The following TAB2 variants were observed in gnomAD, a reference collection of about 807,000 sequenced individuals.
TAB2 encodes the protein TGF-beta activated kinase 1 (MAP3K7) binding protein 2, also known as TGF-beta-activated kinase 1 and MAP3K7-binding protein 2.
Under a neutral mutation model 65.0 loss-of-function variants are expected in TAB2, and 3 were observed. The observed-to-expected ratio is 0.05, with a 90% CI of 0.02 to 0.12. TAB2 has a LOEUF of 0.12. TAB2 is among the 10% of genes least tolerant of loss of function. TAB2 has a pLI of 1.00. For missense variants in TAB2, 623 were observed against 840.3 expected, an observed-to-expected ratio of 0.74 and a Z score of 3.20; for synonymous variants, 298 against 285.1, an observed-to-expected ratio of 1.05 and a Z score of -0.46.
chr6:149,364,149 A>G (rs1326518543), intron 1 of TAB2, among the ~76,000 whole-genome samples: 1 of 152,096 alleles, frequency 6.6e-6, no homozygotes, highest in African/African-American at 2.4e-5. Flanking sequence ...TGGTTTTCTG[A>G]CTGGTCTTCT....
chr6:149,258,416 T>TACACACACACACACACAC (rs56710457), intron 1 of TAB2, among the ~76,000 whole-genome samples: 1 of 146,200 alleles, frequency 6.8e-6, no homozygotes, highest in Non-Finnish European at 1.5e-5. Flanking sequence ...CATGACTGCC[T>TACACACACACACACACAC]ACACACACAC....
intron 1 of TAB2, among the ~76,000 whole-genome samples, chr6:149,277,317 G>A (rs1410047231): frequency 1.3e-5 from 2 of 152,000 alleles, no homozygotes; most frequent in African/African-American, 4.8e-5. Flanking sequence ...AAAATAAGAT[G>A]CATTCCTACA....
At chr6:149,236,268 C>T (rs1777492327) in intron 1 of TAB2, among the ~76,000 whole-genome samples, 1 of 152,146 alleles carries the variant, frequency 6.6e-6, no homozygotes, top group Non-Finnish European at 1.5e-5. Flanking sequence ...ATATAATGAC[C>T]AATGAGGTCA....
chr6:149,403,283 T>TATATATATATAC (rs1554265413), intron 6 of TAB2, among the ~76,000 whole-genome samples: 1 of 24,582 alleles, frequency 4.1e-5, no homozygotes, highest in Non-Finnish European at 7.3e-5. Flanking sequence ...TATATATATA[T>TATATATATATAC]ACACACACAC....
At chr6:149,394,861 A>C (rs1322131325) in intron 3 of TAB2, among the ~76,000 whole-genome samples, 1 of 152,220 alleles carries the variant, frequency 6.6e-6, no homozygotes, top group African/African-American at 2.4e-5. Flanking sequence ...CCAGATAGTA[A>C]TCATTTAGGA....
intron 1 of TAB2, among the ~76,000 whole-genome samples, chr6:149,309,315 T>A (rs1025746890): frequency 2.6e-5 from 4 of 152,124 alleles, no homozygotes; most frequent in African/African-American, 7.2e-5. Flanking sequence ...CCTTTACATA[T>A]GTTCATTCAT....
At chr6:149,271,964 C>G (rs560620066) in intron 1 of TAB2, among the ~76,000 whole-genome samples, 1 of 152,244 alleles carries the variant, frequency 6.6e-6, no homozygotes, top group Non-Finnish European at 1.5e-5. Context: ...GACGCCCACA[C>G]AAAACCCACA....
chr6:149,242,728 A>G (rs1342512585), intron 1 of TAB2, among the ~76,000 whole-genome samples: 3 of 152,198 alleles, frequency 2.0e-5, no homozygotes, highest in Non-Finnish European at 4.4e-5. Flanking sequence ...TTGTTTTGCC[A>G]TGGAGAAGAG....
chr6:149,364,068 C>T (rs187929725), intron 1 of TAB2, among the ~76,000 whole-genome samples: 3 of 152,286 alleles, frequency 2.0e-5, no homozygotes, highest in Non-Finnish European at 4.4e-5. Context: ...AGGTCTTCCA[C>T]TTCTCTCTAC....
At chr6:149,372,722 T>G (rs187230263) in intron 2 of TAB2, among the ~76,000 whole-genome samples, 7 of 152,268 alleles carry the variant, frequency 4.6e-5, no homozygotes, top group Admixed American at 3.9e-4. Context: ...GTAATGTACT[T>G]TTTAGCTGAT....
intron 1 of TAB2, among the ~76,000 whole-genome samples, chr6:149,325,690 A>AGTGG (rs1562416312): frequency 2.0e-5 from 3 of 152,216 alleles, no homozygotes; most frequent in African/African-American, 7.2e-5. Flanking sequence ...TTAATATAAT[A>AGTGG]CTACAAAACT....
chr6:149,284,826 A>AT (rs1410648868), intron 1 of TAB2, among the ~76,000 whole-genome samples: 2 of 152,082 alleles, frequency 1.3e-5, no homozygotes, highest in Non-Finnish European at 2.9e-5. Context: ...TTAAGCCTTT[A>AT]TTTTTTTAAA....
chr6:149,318,026 A>T lies in TAB2; in HGVS notation c.-90+11A>T, dbSNP rs1295657959. 2 of 161,204 alleles carry T rather than the reference A, an allele frequency of 1.2e-5. No homozygotes were observed. Among genetic ancestry groups the T allele is most frequent in the African/African-American group, 4.8e-5 (2 of 41,500 alleles). 10.0% of individuals were successfully genotyped at this position (161,204 alleles called of 1,614,324 possible). ...CGGCGGCGGCAAAGGGTAAGCGGAC[A>T]GCGCTGCCGGGCCTCGGCGGGATCC... On this transcript the variant is annotated intron_variant, in intron 1 of 6. Coordinates refer to ENST00000637181, the MANE Select transcript of TAB2 (RefSeq NM_001292034.3).
chr6:149,305,073 T>G (rs1779037914), intron 1 of TAB2, among the ~76,000 whole-genome samples: 2 of 152,200 alleles, frequency 1.3e-5, no homozygotes, highest in African/African-American at 4.8e-5. Flanking sequence ...ATTGTTTTGT[T>G]ATTGTTATTG....
At chr6:149,345,931 A>T (rs904259377) in intron 1 of TAB2, among the ~76,000 whole-genome samples, 10 of 152,168 alleles carry the variant, frequency 6.6e-5, no homozygotes, top group African/African-American at 2.4e-4. Context: ...CAACAACAAC[A>T]AAAAGCTGCA....
At chr6:149,273,310 G>A (rs1177271587) in intron 1 of TAB2, among the ~76,000 whole-genome samples, 1 of 152,210 alleles carries the variant, frequency 6.6e-6, no homozygotes, top group Non-Finnish European at 1.5e-5. Flanking sequence ...AAAGAAGATG[G>A]AGGGAAATGG....
chr6:149,396,542 A>G (rs1416775528), intron 3 of TAB2, among the ~76,000 whole-genome samples: 1 of 152,212 alleles, frequency 6.6e-6, no homozygotes, highest in Non-Finnish European at 1.5e-5. Context: ...ATTTTTCTCA[A>G]GATAGAATCA....
chr6:149,273,915 G>A (rs1778407394), intron 1 of TAB2, among the ~76,000 whole-genome samples: 1 of 152,226 alleles, frequency 6.6e-6, no homozygotes, highest in South Asian at 2.1e-4. Flanking sequence ...AATTGGAAGT[G>A]ACTAGAAAGG....
intron 1 of TAB2, among the ~76,000 whole-genome samples, chr6:149,320,405 T>C (rs1475053146): frequency 2.0e-5 from 3 of 152,244 alleles, no homozygotes; most frequent in Admixed American, 6.5e-5. Flanking sequence ...AGGTCAGTAT[T>C]GAGAATTGCT....
Sources: gnomAD v4.1 joint callset for allele counts (sites outside exome capture counted in the v4.1 genomes callset) on GRCh38, gnomAD v4.1.1 for gene constraint, MANE v1.5 for transcripts, NCBI Gene and HGNC (gene_info 2026-07-23, HGNC 2026-07-21) for gene names.